Variants in DNAJC13 observed in about 807,000 individuals in gnomAD.
The protein encoded by DNAJC13 is dnaJ homolog subfamily C member 13.
Under a neutral mutation model 290.5 loss-of-function variants are expected in DNAJC13, and 75 were observed. The observed-to-expected ratio is 0.26, with a 90% CI of 0.21 to 0.31. The LOEUF is 0.31. Among genes scored for constraint, DNAJC13 ranks in the 10% least tolerant of loss-of-function variants. The pLI is 1.00. For missense variants in DNAJC13, 2,260 were observed against 2,674.5 expected (o/e 0.85, Z 3.42); for synonymous variants, 862 against 892.0 (o/e 0.97, Z 0.60).
chr3:132,480,313 AG>A (rs761564779), intron 25 of DNAJC13, 55 bp from the exon 26 acceptor site: 9 of 1,180,890 alleles, frequency 7.6e-6, no homozygotes, highest in Non-Finnish European at 1.1e-5. Flanking sequence ...CTATTGGGAT[AG>A]GTTTTAGGTT....
intron 7 of DNAJC13, 35 bp downstream of exon 7, chr3:132,453,539 A>G: frequency 6.2e-7 from 1 of 1,609,972 alleles, no homozygotes; most frequent in South Asian, 1.1e-5. Flanking sequence ...AAATTTGTTC[A>G]CCTGATTTTG....
At chr3:132,458,525 G>A (rs1043449884) in intron 13 of DNAJC13, among the ~76,000 whole-genome samples, 5 of 152,154 alleles carry the variant, frequency 3.3e-5, no homozygotes, top group African/African-American at 1.2e-4. Flanking sequence ...GTTCTTAGGA[G>A]CTCTGTGTCA....
intron 55 of DNAJC13, 78 bp from the exon 56 acceptor site, chr3:132,538,098 G>C (rs990178701): frequency 3.4e-6 from 4 of 1,168,378 alleles, no homozygotes; most frequent in African/African-American, 3.0e-5. Flanking sequence ...GCCTGAGCAG[G>C]TTCTGACATT....
intron 36 of DNAJC13, among the ~76,000 whole-genome samples, chr3:132,497,194 A>G (rs994494834): frequency 6.6e-6 from 1 of 152,226 alleles, no homozygotes; most frequent in Non-Finnish European, 1.5e-5. Flanking sequence ...GAACACTGGT[A>G]TAGATGAAAT....
chr3:132,538,285 T>C lies in DNAJC13; in HGVS notation c.*3T>C. On this transcript the variant is annotated 3_prime_UTR_variant, in exon 56 of 56. Coordinates refer to ENST00000260818, the MANE Select transcript of DNAJC13 (RefSeq NM_015268.4). ...GCGACCTTGGCTATCAGACTTGAAA[T>C]ATTCACGAGAGACAATAAACGCTGA... The C allele has an allele frequency of 2.5e-6, 4 of 1,612,136 alleles. No individual in the cohort carries two copies. The highest frequency in any genetic ancestry group is 3.4e-6 in the Non-Finnish European group (4 of 1,179,010).
intron 13 of DNAJC13, among the ~76,000 whole-genome samples, chr3:132,459,656 A>C (rs575526615): frequency 6.6e-6 from 1 of 152,208 alleles, no homozygotes; most frequent in Non-Finnish European, 1.5e-5. Context: ...ATTACATATT[A>C]GGTGTTGGCT....
chr3:132,493,570 A>G (rs1253663827), intron 33 of DNAJC13, among the ~76,000 whole-genome samples: 1 of 152,158 alleles, frequency 6.6e-6, no homozygotes, highest in Non-Finnish European at 1.5e-5. Context: ...GATAGTCTGT[A>G]AAGTACCTAG....
chr3:132,435,391 A>G (rs895055870), intron 2 of DNAJC13, among the ~76,000 whole-genome samples: 9 of 152,324 alleles, frequency 5.9e-5, no homozygotes, highest in South Asian at 4.1e-4. Flanking sequence ...CACAAGGTAA[A>G]ATGTGACACA....
At chr3:132,425,876 C>A (rs889084429) in intron 1 of DNAJC13, among the ~76,000 whole-genome samples, 1 of 152,030 alleles carries the variant, frequency 6.6e-6, no homozygotes, top group Non-Finnish European at 1.5e-5. Flanking sequence ...TTGCTTATAG[C>A]TTGACCGTAA....
rs202134246 is a variant in DNAJC13 at position 132,495,102 on chromosome 3, A to G, written c.3956A>G (p.Lys1319Arg). The stretch of plus-strand genomic sequence containing the variant: ...CTGTTTAACAGGCATGATGAGAGCA[A>G]GATTAGGAAAGCTTACTTCAGACTT... The part of the protein sequence containing the change: ...PQGQGPHDES[K>R]IRKAYFRLAQ... Residue 1319 changes from lysine (K) to arginine (R), a missense_variant, in exon 35 of 56, where the codon AAG becomes AGG. Around this residue, in one of 3 missense-constraint regions of DNAJC13, gnomAD observed 1,494 missense variants for 1,693.7 expected, o/e 0.88. Coordinates refer to ENST00000260818, the MANE Select transcript of DNAJC13 (RefSeq NM_015268.4). 4.3e-6 allele frequency: 7 copies of G among 1,613,520 alleles called. No individual in the cohort carries two copies. The Admixed American group carries it at 1.2e-4, about 27-fold the overall frequency.
chr3:132,447,983 T>C (rs757055216), intron 5 of DNAJC13, 44 bp downstream of exon 5: 7 of 1,287,428 alleles, frequency 5.4e-6, no homozygotes, highest in Non-Finnish European at 7.7e-6. Flanking sequence ...TGTTCAAATG[T>C]TGCCCTTTAT....
At chr3:132,430,283 A>T (rs1939206622) in intron 1 of DNAJC13, among the ~76,000 whole-genome samples, 1 of 152,046 alleles carries the variant, frequency 6.6e-6, no homozygotes, top group Non-Finnish European at 1.5e-5. Context: ...AGTGGTACCT[A>T]TGAGGTCATT....
chr3:132,469,911 TAG>T (rs1934129501), intron 20 of DNAJC13, among the ~76,000 whole-genome samples: 1 of 149,952 alleles, frequency 6.7e-6, no homozygotes, highest in Admixed American at 6.7e-5. Context: ...CAATGAGGAT[TAG>T]AGTTTTCATA....
At position 132,480,402 on chromosome 3, in the gene DNAJC13, A is replaced by G; in HGVS notation, c.2806A>G (p.Ile936Val). The G allele has an allele frequency of 2.5e-6, 4 of 1,613,666 alleles. No individual in the cohort carries two copies. The highest frequency in any genetic ancestry group is 3.4e-6 in the Non-Finnish European group (4 of 1,179,676). Reference protein sequence around the residue: ...NVKDLMDSNGIRILVDLLTLA... With the variant: ...NVKDLMDSNGVRILVDLLTLA... ...TAAGGATCTCATGGATTCAAATGGA[A>G]TAAGAATCCTTGTGGACTTGCTTAC... Residue 936 changes from isoleucine to valine, a missense_variant, in exon 26 of 56, where the codon ATA (isoleucine) becomes GTA (valine). Ile to Val is a conservative substitution (Grantham distance 29). Coordinates refer to ENST00000260818, the MANE Select transcript of DNAJC13 (RefSeq NM_015268.4).
rs930418164 is a variant in DNAJC13 at position 132,421,234 on chromosome 3, C to T, written c.-14+3474C>T. On this transcript the variant is annotated intron_variant, in intron 1 of 55. Transcript: ENST00000260818. ...TGACTCAGTTGGGTACAATTTTCTGCGTTCACTTAGTGTTGGGACAGAATC... is the reference window on the plus strand; with the variant it reads ...TGACTCAGTTGGGTACAATTTTCTGTGTTCACTTAGTGTTGGGACAGAATC... Among the ~76,000 whole-genome samples the T allele has an allele frequency of 1.4e-4, 22 of 152,244 alleles. No individual in the cohort carries two copies. In the South Asian group the frequency reaches 1.7e-3, roughly 11 times the overall value.
chr3:132,483,408 G>A lies in DNAJC13; in HGVS notation c.3013G>A (p.Ala1005Thr), dbSNP rs1430797829. ...QELWTKGMLN[A>T]KTRCWAQGMD... ...ATTGTGGACCAAAGGAATGTTAAAT[G>A]CAAAAACCAGATGCTGGGCTCAAGG... The change falls in exon 28 of 56, where the codon GCA becomes ACA. Residue 1005 changes from alanine (A) to threonine (T), a missense_variant. Ala to Thr is a moderately conservative substitution (Grantham distance 58, BLOSUM62 0). Coordinates refer to ENST00000260818, the MANE Select transcript of DNAJC13 (RefSeq NM_015268.4). 3.7e-6 allele frequency: 6 copies of A among 1,614,078 alleles called. No individual in the cohort carries two copies. The East Asian group carries it at 8.9e-5, about 24-fold the overall frequency.
At chr3:132,429,333 G>A (rs1035968786) in intron 1 of DNAJC13, among the ~76,000 whole-genome samples, 1 of 152,028 alleles carries the variant, frequency 6.6e-6, no homozygotes, top group African/African-American at 2.4e-5. Flanking sequence ...TTGAGGGAAG[G>A]TATTAAAGTT....
chr3:132,417,972 G>T (rs534268299), intron 1 of DNAJC13, among the ~76,000 whole-genome samples: 34 of 152,220 alleles, frequency 2.2e-4, no homozygotes, highest in South Asian at 1.0e-3. Flanking sequence ...TTAGCTCAGG[G>T]CGCTGCCCTG....
At chr3:132,503,517 T>C in intron 41 of DNAJC13, 136 bp downstream of exon 41, 4 of 1,066,678 alleles carry the variant, frequency 3.7e-6, no homozygotes, top group Non-Finnish European at 5.4e-6. Flanking sequence ...AGCAAGAAAT[T>C]CACTTTATAA....
Sources: gnomAD v4.1 joint callset for allele counts (sites outside exome capture counted in the v4.1 genomes callset) on GRCh38, gnomAD v4.1.1 for gene constraint, gnomAD v4.1.1 regional missense constraint, MANE v1.5 for transcripts, NCBI Gene and HGNC (gene_info 2026-07-23, HGNC 2026-07-21) for gene names.